Variants in GRK5 observed in about 807,000 individuals in gnomAD.
GRK5 encodes g protein-coupled receptor kinase GRK5.
In GRK5, 40 loss-of-function variants were observed where a neutral mutation model predicts 78.4. The observed-to-expected ratio is 0.51, with a 90% confidence interval of 0.40 to 0.66. The LOEUF (loss-of-function observed/expected upper bound fraction) is 0.66. Among genes scored for constraint, GRK5 ranks in the 30% least tolerant of loss-of-function variants. GRK5 has a pLI of 0.00. For synonymous variants in GRK5, 289 were observed against 296.8 expected (o/e 0.97, Z 0.27); for missense variants, 598 against 759.9 (o/e 0.79, Z 2.50).
Position 119,403,508 on chromosome 10 carries a change from T to G in GRK5, c.339+6736T>G, listed in dbSNP as rs144731641. On this transcript the variant is annotated intron_variant, in intron 4 of 15. Coordinates refer to ENST00000392870, the MANE Select transcript of GRK5 (RefSeq NM_005308.3). ...ATAATGTTTTTAAGATTCATCCACA[T>G]TGTAACATGTATCAGCACTTCACTC... is the stretch of plus-strand genomic sequence containing the variant. 2.6e-4 allele frequency among the ~76,000 whole-genome samples: 40 copies of G among 152,346 alleles called. No homozygotes were observed. In the East Asian group the frequency reaches 6.5e-3, roughly 25 times the overall value.
chr10:119,437,149 C>G (rs767892361), intron 9 of GRK5, among the ~76,000 whole-genome samples: 12 of 152,232 alleles, frequency 7.9e-5, no homozygotes, highest in Non-Finnish European at 1.8e-4. Flanking sequence ...GACCACTGCT[C>G]CCTCCAGTTG....
At chr10:119,420,568 CT>C (rs1329503663) in intron 4 of GRK5, among the ~76,000 whole-genome samples, 13 of 149,362 alleles carry the variant, frequency 8.7e-5, no homozygotes, top group East Asian at 2.0e-4. Flanking sequence ...TTTTCTTTTT[CT>C]TTCTTTTTTT....
chr10:119,325,380 G>C (rs1167155895), intron 1 of GRK5, among the ~76,000 whole-genome samples: 1 of 152,190 alleles, frequency 6.6e-6, no homozygotes, highest in Non-Finnish European at 1.5e-5. Context: ...GGCTGGAGCT[G>C]AGTGCCACTG....
intron 9 of GRK5, among the ~76,000 whole-genome samples, chr10:119,437,968 C>T (rs146128687): frequency 3.9e-5 from 6 of 152,282 alleles, no homozygotes; most frequent in African/African-American, 7.2e-5. Context: ...TGCGGTGGCA[C>T]GCGCCTGTAG....
intron 1 of GRK5, among the ~76,000 whole-genome samples, chr10:119,224,525 T>C (rs917850460): frequency 6.6e-6 from 1 of 152,108 alleles, no homozygotes; most frequent in African/African-American, 2.4e-5. Flanking sequence ...TTCTCTTGCC[T>C]CAGCGCCCCG....
intron 1 of GRK5, among the ~76,000 whole-genome samples, chr10:119,236,009 C>G (rs1848918799): frequency 1.3e-5 from 2 of 152,160 alleles, no homozygotes; most frequent in Admixed American, 1.3e-4. Context: ...CTGGCTGTCC[C>G]CCATCCCTTA....
intron 2 of GRK5, among the ~76,000 whole-genome samples, chr10:119,375,213 C>T (rs1029605182): frequency 6.6e-6 from 1 of 152,152 alleles, no homozygotes; most frequent in Admixed American, 6.5e-5. Context: ...TTCACCTTCT[C>T]CCACACTTCA....
chr10:119,311,470 G>T (rs918629379), intron 1 of GRK5, among the ~76,000 whole-genome samples: 2 of 152,132 alleles, frequency 1.3e-5, no homozygotes, highest in African/African-American at 2.4e-5. Context: ...GGCAGTGGGT[G>T]GGGGCAGGTT....
At position 119,336,751 on chromosome 10, in the gene GRK5, C is replaced by T. The variant is rs1361027894; in HGVS notation, c.148+10140C>T. Among the ~76,000 whole-genome samples, 1 of 152,176 alleles carries T rather than the reference C, an allele frequency of 6.6e-6. No individual in the cohort carries two copies. The highest frequency in any genetic ancestry group is 2.4e-5 in the African/African-American group (1 of 41,438). On this transcript the variant is annotated intron_variant, in intron 2 of 15. Coordinates refer to ENST00000392870, the MANE Select transcript of GRK5 (RefSeq NM_005308.3). This position sits in a 1 kb window ranked among gnomAD's most constrained non-coding sequence, Gnocchi z 4.5. ...TGCTGTCCTTGGGGTGATAAGGGCG[C>T]GTCATGTCTGTCGTTCTGCCACCTA...
chr10:119,443,376 C>G (rs192929821), intron 11 of GRK5, among the ~76,000 whole-genome samples, 168 bp from the exon 12 acceptor site: 5 of 152,156 alleles, frequency 3.3e-5, no homozygotes, highest in Non-Finnish European at 7.4e-5. Context: ...CAAAGTCCTT[C>G]GGGGGCACAG....
At chr10:119,224,069 C>T (rs1400796237) in intron 1 of GRK5, among the ~76,000 whole-genome samples, 1 of 152,174 alleles carries the variant, frequency 6.6e-6, no homozygotes, top group East Asian at 1.9e-4. Flanking sequence ...CCAGGAAGAT[C>T]ACTTGAGCCA....
Position 119,457,572 on chromosome 10 carries a change from G to C in GRK5, c.*2505G>C, listed in dbSNP as rs889706033. The C allele has an allele frequency of 6.6e-6, 1 of 152,090 alleles. No homozygotes were observed. Among genetic ancestry groups the C allele is most frequent in the African/African-American group, 2.4e-5 (1 of 41,402 alleles). The allele number at this position is 152,090 out of a possible 1,614,324, so 9.4% of individuals were successfully genotyped here. On this transcript the variant is annotated 3_prime_UTR_variant, in exon 16 of 16. Coordinates refer to ENST00000392870, the MANE Select transcript of GRK5 (RefSeq NM_005308.3). The stretch of plus-strand genomic sequence containing the variant: ...GCTCATGCATTGCTTTGTGGTAAGA[G>C]AAAGGAAGTCTTTAGAACAGCGCCT...
chr10:119,229,519 C>T (rs531251807), intron 1 of GRK5, among the ~76,000 whole-genome samples: 3 of 152,078 alleles, frequency 2.0e-5, no homozygotes, highest in Non-Finnish European at 4.4e-5. Context: ...GTGCAAAATC[C>T]GAGTCAATTG....
intron 10 of GRK5, among the ~76,000 whole-genome samples, chr10:119,440,251 G>A (rs770456255): frequency 6.6e-6 from 1 of 152,130 alleles, no homozygotes; most frequent in East Asian, 1.9e-4. Context: ...CTAGCCAGCT[G>A]TAAATGTCTC....
At chr10:119,282,544 G>A (rs1849779256) in intron 1 of GRK5, among the ~76,000 whole-genome samples, 2 of 152,358 alleles carry the variant, frequency 1.3e-5, no homozygotes, top group Non-Finnish European at 1.5e-5. Context: ...TTCCGGCTGG[G>A]GCAGGAGAGG....
chr10:119,381,049 A>C, intron 3 of GRK5, 122 bp downstream of exon 3: 1 of 602,704 alleles, frequency 1.7e-6, no homozygotes, highest in Non-Finnish European at 3.0e-6. Context: ...TGCTTACAAA[A>C]CTCCCACTAC....
intron 1 of GRK5, among the ~76,000 whole-genome samples, chr10:119,279,729 A>T (rs1046332616): frequency 3.9e-5 from 6 of 152,106 alleles, no homozygotes; most frequent in Non-Finnish European, 5.9e-5. Context: ...AGAGCCACGC[A>T]GCAGCACTGA....
At chr10:119,405,269 G>A (rs1402025784) in intron 4 of GRK5, among the ~76,000 whole-genome samples, 4 of 152,152 alleles carry the variant, frequency 2.6e-5, no homozygotes, top group South Asian at 2.1e-4. Context: ...TGGGAAGGCC[G>A]TTGTGCAGGC....
In GRK5 at chr10:119,394,716, T is replaced by G. The variant is rs112815482; in HGVS notation, c.262-1979T>G. Among the ~76,000 whole-genome samples, 25 of 60,276 alleles carry G rather than the reference T, an allele frequency of 4.1e-4. 1 individual carries two copies. Among genetic ancestry groups the G allele is most frequent in the African/African-American group, 8.1e-4 (15 of 18,546 alleles). 39.5% of individuals were successfully genotyped at this position (60,276 alleles called of 152,430 possible). A position where few individuals can be genotyped will look rare whatever the true frequency, so the allele number is the denominator to read the frequency against. ...GTGTGTGGGTGTGTATCTGTGTGTG[T>G]GGGGGCACGTGTATGTTTGGGTGTG... On this transcript the variant is annotated intron_variant, in intron 3 of 15. Transcript: ENST00000392870.
Sources: allele counts gnomAD v4.1 joint callset (sites outside exome capture counted in the v4.1 genomes callset), GRCh38; gene constraint gnomAD v4.1.1; non-coding constraint Gnocchi (gnomAD v3.1); transcripts MANE v1.5; gene names NCBI Gene and HGNC (gene_info 2026-07-23, HGNC 2026-07-21).